The following PIAS4 variants were observed in gnomAD, a reference collection of about 807,000 sequenced individuals.
PIAS4 encodes the protein E3 SUMO-protein ligase PIAS4.
In PIAS4, 7 loss-of-function variants were observed where a neutral mutation model predicts 58.0. The ratio of observed to expected loss-of-function variants is 0.12; its 90% CI spans 0.07 to 0.23. PIAS4 has a LOEUF of 0.23. PIAS4 is among the 10% of genes least tolerant of loss of function. The pLI, the probability that PIAS4 is intolerant of heterozygous loss-of-function variation, is 1.00. For synonymous variants in PIAS4, 364 were observed against 312.4 expected (o/e 1.17, Z -1.74); for missense variants, 550 against 709.5 (o/e 0.78, Z 2.55).
rs1250752212 is a variant in PIAS4, at chr19:4,013,202, G to A, written c.307G>A (p.Gly103Ser). 1 of 1,613,576 alleles carries A rather than the reference G, an allele frequency of 6.2e-7. No homozygotes were observed. Among genetic ancestry groups the A allele is most frequent in the Admixed American group, 1.7e-5 (1 of 60,020 alleles). Residue 103 changes from glycine to serine, a missense_variant, in exon 2 of 11, where the codon GGC becomes AGC. By Grantham distance (56) the Gly-to-Ser change is moderately conservative. This residue lies in a region of PIAS4 where 95 missense variants were observed against 87.5 expected (regional missense o/e 1.09). Coordinates refer to ENST00000262971, the MANE Select transcript of PIAS4 (RefSeq NM_015897.4). The surrounding 1 kb of genome is among the most constrained non-coding windows in gnomAD (Gnocchi z 5.1). ...CGCTGTGCCCAGGACTCCGCTGGCA[G>A]GCCCCAATATTGACTACCCCGTGCT... ...AGAVPRTPLA[G>S]PNIDYPVLYG...
In PIAS4 at chr19:4,033,486, G is replaced by T. The variant is rs368054611; in HGVS notation, c.1048G>T (p.Ala350Ser). ...CTGTGCCCACCTGCAGTGCTTCGAC[G>T]CCGTCTTCTACCTGCAGATGAACGA... ...ETCAHLQCFD[A>S]VFYLQMNEKK... Residue 350 changes from alanine to serine, a missense_variant, in exon 9 of 11, where the codon GCC becomes TCC. This residue lies in a region of PIAS4 where 225 missense variants were observed against 345.8 expected (regional missense o/e 0.65). Coordinates refer to ENST00000262971, the MANE Select transcript of PIAS4 (RefSeq NM_015897.4). 1.3e-6 allele frequency: 2 copies of T among 1,584,420 alleles called. No homozygotes were observed. The highest frequency in any genetic ancestry group is 1.7e-6 in the Non-Finnish European group (2 of 1,166,376).
chr19:4,021,352 G>A (rs1447227277), intron 2 of PIAS4, among the ~76,000 whole-genome samples: 3 of 151,942 alleles, frequency 2.0e-5, no homozygotes. Flanking sequence ...TTACCATATT[G>A]TCCAGGCTGG....
intron 7 of PIAS4, 72 bp from the exon 8 acceptor site, chr19:4,033,028 A>T: frequency 8.2e-7 from 1 of 1,219,070 alleles, no homozygotes; most frequent in Non-Finnish European, 1.2e-6. Flanking sequence ...AGTGCCGGAG[A>T]GAACTCGAAT....
At chr19:4,023,887 G>T in intron 2 of PIAS4, 149 bp from the exon 3 acceptor site, 1 of 639,656 alleles carries the variant, frequency 1.6e-6, no homozygotes. Flanking sequence ...CTCCTTCCTG[G>T]GCGGCCCCCA....
chr19:4,030,664 C>G (rs2040214719), intron 7 of PIAS4, among the ~76,000 whole-genome samples: 1 of 152,040 alleles, frequency 6.6e-6, no homozygotes, highest in African/African-American at 2.4e-5. Flanking sequence ...AATCAGTCCT[C>G]ACCCCAAGCA....
chr19:4,020,633 A>G (rs1048992352), intron 2 of PIAS4, among the ~76,000 whole-genome samples: 1 of 152,182 alleles, frequency 6.6e-6, no homozygotes, highest in Non-Finnish European at 1.5e-5. Flanking sequence ...ATCTAAATAT[A>G]TTTTTTAATG....
intron 2 of PIAS4, among the ~76,000 whole-genome samples, chr19:4,018,111 C>T (rs2040070239): frequency 6.6e-6 from 1 of 152,222 alleles, no homozygotes; most frequent in Non-Finnish European, 1.5e-5. Context: ...CAGGCCCGGC[C>T]CCAGTCAGCC....
At chr19:4,036,972 C>T (rs1339185075) in intron 9 of PIAS4, among the ~76,000 whole-genome samples, 1 of 152,226 alleles carries the variant, frequency 6.6e-6, no homozygotes, top group Non-Finnish European at 1.5e-5. Flanking sequence ...CGTGCACACA[C>T]ACGCACATGC....
At chr19:4,025,098 CG>C (rs1285611987) in intron 3 of PIAS4, among the ~76,000 whole-genome samples, 2 of 152,182 alleles carry the variant, frequency 1.3e-5, no homozygotes, top group African/African-American at 4.8e-5. Flanking sequence ...ATAATGAATA[CG>C]GGGTTTCCCC....
At chr19:4,012,621 C>T (rs1200523773) in intron 1 of PIAS4, among the ~76,000 whole-genome samples, 1 of 152,094 alleles carries the variant, frequency 6.6e-6, no homozygotes, top group Non-Finnish European at 1.5e-5. Context: ...CAGTTCCTGC[C>T]CTGGGGATGC....
At position 4,037,554 on chromosome 19, in the gene PIAS4, A is replaced by G. The variant is rs368558617; in HGVS notation, c.1273+50A>G. On this transcript the variant is annotated intron_variant, in intron 10 of 10. Transcript: ENST00000262971. This position sits in a 1 kb window ranked among gnomAD's most constrained non-coding sequence, Gnocchi z 5.8. The stretch of plus-strand genomic sequence containing the variant: ...CGCAGTCCGCAGCCAGGGCCGCCTC[A>G]GTTTCCCCATTTATCAGTGGTTGCA... The G allele has an allele frequency of 2.5e-6, 4 of 1,607,520 alleles. No individual in the cohort carries two copies. The highest frequency in any genetic ancestry group is 3.3e-5 in the Admixed American group (2 of 59,962).
At chr19:4,011,828 G>T (rs796184930) in intron 1 of PIAS4, among the ~76,000 whole-genome samples, 17 of 38,156 alleles carry the variant, frequency 4.5e-4, no homozygotes, top group South Asian at 1.6e-3. Context: ...GAGGTGTGTG[G>T]GGTGTGGAGG....
At chr19:4,028,907 C>G in intron 6 of PIAS4, 24 bp from the exon 7 acceptor site, 1 of 1,612,150 alleles carries the variant, frequency 6.2e-7, no homozygotes, top group Non-Finnish European at 8.5e-7. Flanking sequence ...CCTGCCAGCC[C>G]TGACCCCTTC....
chr19:4,009,203 T>A (rs982568433), intron 1 of PIAS4, among the ~76,000 whole-genome samples: 13 of 152,080 alleles, frequency 8.5e-5, no homozygotes, highest in African/African-American at 2.7e-4. Flanking sequence ...TTCTTCTCGG[T>A]CCTCTCACAT....
rs2040140006 is a variant in PIAS4 at position 4,024,209 on chromosome 19, A to G, written c.539+89A>G. On this transcript the variant is annotated intron_variant, in intron 3 of 10. Transcript: ENST00000262971. The stretch of plus-strand genomic sequence containing the variant: ...CTGGGGAGAGCCGGCAGCCACGTCC[A>G]CTGCAGGCCTCGCTCGGGCTCAGTC... 1.2e-5 allele frequency: 11 copies of G among 928,994 alleles called. No homozygotes were observed. The Admixed American group carries it at 1.8e-4, about 15-fold the overall frequency. The allele number at this position is 928,994 out of a possible 1,614,324, so 57.5% of individuals were successfully genotyped here. A position where few individuals can be genotyped will look rare whatever the true frequency, so the allele number is the denominator to read the frequency against.
intron 9 of PIAS4, 36 bp downstream of exon 9, chr19:4,033,616 G>A (rs12460140): frequency 0.75 from 1,158,682 of 1,546,226 alleles, 443,391 homozygotes; most frequent in East Asian, 0.96. Context: ...GGCCGGAGCC[G>A]GACATCCGTG....
At chr19:4,011,128 C>G (rs1033089012) in intron 1 of PIAS4, among the ~76,000 whole-genome samples, 1 of 152,226 alleles carries the variant, frequency 6.6e-6, no homozygotes, top group African/African-American at 2.4e-5. Context: ...GTTTACATAC[C>G]CCACTGGGAC....
At chr19:4,011,670 G>GCGTT (rs2039994074) in intron 1 of PIAS4, among the ~76,000 whole-genome samples, 1 of 128,528 alleles carries the variant, frequency 7.8e-6, no homozygotes, top group African/African-American at 2.9e-5. Context: ...GTGTGGAGGT[G>GCGTT]TGGGGGGTGT....
At chr19:4,021,136 GTATTT>G (rs890746713) in intron 2 of PIAS4, among the ~76,000 whole-genome samples, 14 of 152,070 alleles carry the variant, frequency 9.2e-5, no homozygotes, top group Non-Finnish European at 2.1e-4. Context: ...GTGTAGAGAG[GTATTT>G]TATTTTATTT....
Sources: gnomAD v4.1 joint callset for allele counts (sites outside exome capture counted in the v4.1 genomes callset) on GRCh38, gnomAD v4.1.1 for gene constraint, gnomAD v4.1.1 regional missense constraint, Gnocchi (gnomAD v3.1) non-coding constraint, MANE v1.5 for transcripts, NCBI Gene and HGNC (gene_info 2026-07-23, HGNC 2026-07-21) for gene names.